The following COG7 variants were observed in gnomAD, a reference collection of about 807,000 sequenced individuals.
COG7 encodes the protein conserved oligomeric Golgi complex subunit 7.
In COG7, 49 loss-of-function variants were observed where a neutral mutation model predicts 91.5. That is an observed-to-expected ratio of 0.54 (90% CI 0.43 to 0.68). The LOEUF (loss-of-function observed/expected upper bound fraction) is 0.68, where lower values mean the gene tolerates loss of function less well. Ranked by LOEUF, COG7 falls within the 30% of genes least tolerant of loss-of-function variation. The pLI, the probability that COG7 is intolerant of heterozygous loss-of-function variation, is 0.00. For synonymous variants in COG7, 365 were observed against 388.7 expected (o/e 0.94, Z 0.72); for missense variants, 895 against 961.3 (o/e 0.93, Z 0.91).
At chr16:23,405,233 G>A (rs991785307) in intron 12 of COG7, among the ~76,000 whole-genome samples, 3 of 152,290 alleles carry the variant, frequency 2.0e-5, no homozygotes, top group African/African-American at 7.2e-5. Flanking sequence ...GTCCCATGTG[G>A]AAGAACTTGT....
chr16:23,391,206 A>G (rs1462410737), intron 16 of COG7, among the ~76,000 whole-genome samples: 1 of 152,164 alleles, frequency 6.6e-6, no homozygotes, highest in Non-Finnish European at 1.5e-5. Flanking sequence ...AGCAATGCTG[A>G]ATGAGTGAAG....
chr16:23,442,707 T>C, intron 3 of COG7, 62 bp from the exon 4 acceptor site: 1 of 1,408,050 alleles, frequency 7.1e-7, no homozygotes, highest in Non-Finnish European at 1.0e-6. Context: ...CAATTGGGAA[T>C]AGATAAAATA....
In COG7 at chr16:23,445,919, C is replaced by G. The variant is rs745329738; in HGVS notation, c.212G>C (p.Arg71Pro). ...CTCCTGTTTTAGGGCTTCAACATCACGGAGCACTTTGGGCATGTTCTGGAG... is the reference window on the plus strand; with the variant it reads ...CTCCTGTTTTAGGGCTTCAACATCAGGGAGCACTTTGGGCATGTTCTGGAG... ...QALQNMPKVL[R>P]DVEALKQEAS... The change falls in exon 2 of 17, where the codon CGT becomes CCT. Residue 71 changes from arginine (R) to proline (P), a missense_variant. Transcript: ENST00000307149. 1.9e-6 allele frequency: 3 copies of G among 1,611,446 alleles called. No homozygotes were observed. Among genetic ancestry groups the G allele is most frequent in the South Asian group, 1.1e-5 (1 of 91,016 alleles).
Position 23,453,153 on chromosome 16 carries a change from G to A in COG7, c.-159C>T, listed in dbSNP as rs979784412. On this transcript the variant is annotated 5_prime_UTR_variant, in exon 1 of 17. Transcript: ENST00000307149. ...GTAACTTGCCCCTTTGCGCTTCCCC[G>A]CTCAGCGCACTCAGTTTGCGGCTGG... 36 of 1,421,742 alleles carry A rather than the reference G, an allele frequency of 2.5e-5. No individual in the cohort carries two copies. Among genetic ancestry groups the A allele is most frequent in the Non-Finnish European group, 3.1e-5 (34 of 1,082,540 alleles). 88.1% of individuals were successfully genotyped at this position (1,421,742 alleles called of 1,614,324 possible). A position where few individuals can be genotyped will look rare whatever the true frequency, so the allele number is the denominator to read the frequency against.
intron 1 of COG7, among the ~76,000 whole-genome samples, chr16:23,448,589 C>A (rs1964217714): frequency 6.6e-6 from 1 of 152,282 alleles, no homozygotes; most frequent in African/African-American, 2.4e-5. Flanking sequence ...TGAGATCACA[C>A]CCAGACTGTT....
chr16:23,399,473 A>G (rs924672063), intron 13 of COG7, among the ~76,000 whole-genome samples: 1 of 152,196 alleles, frequency 6.6e-6, no homozygotes, highest in East Asian at 1.9e-4. Flanking sequence ...AAGAAATGTA[A>G]GATTTGCTCC....
At chr16:23,426,191 AG>A (rs1963843039) in intron 6 of COG7, among the ~76,000 whole-genome samples, 1 of 152,158 alleles carries the variant, frequency 6.6e-6, no homozygotes, top group African/African-American at 2.4e-5. Context: ...ACTCCAGCCT[AG>A]GTGACAGAGC....
In COG7 at chr16:23,393,226, C is replaced by T. The variant is rs367734393; in HGVS notation, c.2002+7G>A. On this transcript the variant is annotated splice_region_variant and intron_variant, in intron 15 of 16. Coordinates refer to ENST00000307149, the MANE Select transcript of COG7 (RefSeq NM_153603.4). ...TTGTAACATCGCCAGAAACGGTCCC[C>T]GCTTACCCTGCTCAGGAGGAAATGG... The T allele has an allele frequency of 6.8e-6, 11 of 1,607,540 alleles. No homozygotes were observed. Among genetic ancestry groups the T allele is most frequent in the Non-Finnish European group, 9.4e-6 (11 of 1,174,866 alleles).
chr16:23,416,767 T>C lies in COG7; in HGVS notation c.1292+200A>G, dbSNP rs1963661736. The C allele has an allele frequency of 4.7e-6, 3 of 639,256 alleles. No homozygotes were observed. In the Admixed American group the frequency reaches 7.6e-5, roughly 16 times the overall value. The allele number at this position is 639,256 out of a possible 1,614,324, so 39.6% of individuals were successfully genotyped here. A position where few individuals can be genotyped will look rare whatever the true frequency, so the allele number is the denominator to read the frequency against. On this transcript the variant is annotated intron_variant, in intron 9 of 16. Transcript: ENST00000307149. ...ATGTCACATCTTAAGTAACCTTCCCTAATGGGTAGACATTTACGTTGTTTC... is the reference window on the plus strand; with the variant it reads ...ATGTCACATCTTAAGTAACCTTCCCCAATGGGTAGACATTTACGTTGTTTC...
intron 11 of COG7, among the ~76,000 whole-genome samples, chr16:23,409,088 T>TGTGTGTGTGCGCGCGC (rs567307217): frequency 1.7e-3 from 247 of 147,906 alleles, no homozygotes; most frequent in Middle Eastern, 0.01. Flanking sequence ...TGTGTGTGTG[T>TGTGTGTGTGCGCGCGC]GCGTGCATGT....
intron 6 of COG7, among the ~76,000 whole-genome samples, chr16:23,431,648 A>G (rs1224563645): frequency 6.6e-6 from 1 of 151,708 alleles, no homozygotes; most frequent in East Asian, 1.9e-4. Flanking sequence ...ATCTGTACTA[A>G]AAACACAAAA....
At chr16:23,401,568 G>A (rs1201825940) in intron 13 of COG7, among the ~76,000 whole-genome samples, 5 of 152,220 alleles carry the variant, frequency 3.3e-5, no homozygotes, top group African/African-American at 1.2e-4. Context: ...ATCTGCAGGT[G>A]AGGGAGGGGA....
intron 1 of COG7, chr16:23,446,418 C>T: frequency 5.8e-6 from 1 of 171,610 alleles, no homozygotes; most frequent in Non-Finnish European, 1.2e-5. Flanking sequence ...TCAGATAGGT[C>T]TGGCCCCAAT....
At chr16:23,412,660 T>C (rs1963584063) in intron 10 of COG7, 1 of 152,192 alleles carries the variant, frequency 6.6e-6, no homozygotes, top group African/African-American at 2.4e-5. Flanking sequence ...AACAACGACT[T>C]GAGAAGGTCA....
At chr16:23,399,989 A>G (rs1234409224) in intron 13 of COG7, among the ~76,000 whole-genome samples, 1 of 152,258 alleles carries the variant, frequency 6.6e-6, no homozygotes, top group East Asian at 1.9e-4. Flanking sequence ...AGGGTTGACT[A>G]TGGTACTGTG....
chr16:23,410,864 C>A (rs1356853234), intron 10 of COG7, among the ~76,000 whole-genome samples: 1 of 152,236 alleles, frequency 6.6e-6, no homozygotes, highest in African/African-American at 2.4e-5. Context: ...CGCCACCACG[C>A]CTGGCTAATT....
intron 7 of COG7, among the ~76,000 whole-genome samples, chr16:23,421,125 A>G (rs1963749144): frequency 6.6e-6 from 1 of 151,824 alleles, no homozygotes; most frequent in Non-Finnish European, 1.5e-5. Context: ...TTTTTCTATA[A>G]TGATAAAGTC....
At chr16:23,410,984 G>A (rs2142070858) in intron 10 of COG7, among the ~76,000 whole-genome samples, 1 of 152,278 alleles carries the variant, frequency 6.6e-6, no homozygotes, top group South Asian at 2.1e-4. Flanking sequence ...TGGGATTATA[G>A]GAGTGAGCCA....
In COG7 at chr16:23,445,921, G is replaced by A. The variant is rs543986842; in HGVS notation, c.210C>T (p.Leu70=). 1 of 1,613,096 alleles carries A rather than the reference G, an allele frequency of 6.2e-7. No homozygotes were observed. The highest frequency in any genetic ancestry group is 1.1e-5 in the South Asian group (1 of 91,030). ...HQALQNMPKV[L]RDVEALKQEA... is the part of the protein sequence containing the mutation. ...CCTGTTTTAGGGCTTCAACATCACGGAGCACTTTGGGCATGTTCTGGAGAG... is the reference window on the plus strand; with the variant it reads ...CCTGTTTTAGGGCTTCAACATCACGAAGCACTTTGGGCATGTTCTGGAGAG... Residue 70 remains leucine (L), a synonymous_variant, in exon 2 of 17, where the codon CTC becomes CTT. Transcript: ENST00000307149.
Sources: allele counts gnomAD v4.1 joint callset (sites outside exome capture counted in the v4.1 genomes callset), GRCh38; gene constraint gnomAD v4.1.1; transcripts MANE v1.5; gene names NCBI Gene and HGNC (gene_info 2026-07-23, HGNC 2026-07-21).